The following FAN1 variants were observed in gnomAD, a reference collection of about 807,000 sequenced individuals.
FAN1 encodes the protein fanconi-associated nuclease 1.
In FAN1, 91 loss-of-function variants were observed where a neutral mutation model predicts 104.9. The ratio of observed to expected loss-of-function variants is 0.87; its 90% CI spans 0.73 to 1.03. The LOEUF (loss-of-function observed/expected upper bound fraction) is 1.03, where lower values mean the gene tolerates loss of function less well. Ranked by LOEUF, FAN1 falls within the 50% of genes least tolerant of loss-of-function variation. The pLI, the probability that FAN1 is intolerant of heterozygous loss-of-function variation, is 0.00. For missense variants in FAN1, 1,263 were observed against 1,239.9 expected, an observed-to-expected ratio of 1.02 and a Z score of -0.28; for synonymous variants, 478 against 457.6, an observed-to-expected ratio of 1.04 and a Z score of -0.57.
intron 5 of FAN1, among the ~76,000 whole-genome samples, chr15:30,915,660 A>G (rs751966253): frequency 3.3e-5 from 5 of 152,204 alleles, no homozygotes; most frequent in Admixed American, 6.5e-5. Context: ...TAATTTGATC[A>G]TTATACATTG....
intron 5 of FAN1, among the ~76,000 whole-genome samples, chr15:30,916,749 C>T (rs2062205936): frequency 6.6e-6 from 1 of 152,160 alleles, no homozygotes; most frequent in South Asian, 2.1e-4. Flanking sequence ...GGGGTTGTAG[C>T]AGTGAACAAG....
At position 30,943,041 on chromosome 15, in the gene FAN1, C is replaced by A. The variant is rs2063105324; in HGVS notation, c.*1479C>A. The A allele has an allele frequency of 1.3e-6, 2 of 1,542,182 alleles. No homozygotes were observed. Among genetic ancestry groups the A allele is most frequent in the East Asian group, 4.9e-5 (2 of 40,910 alleles). On this transcript the variant is annotated 3_prime_UTR_variant, in exon 15 of 15. Coordinates refer to ENST00000362065, the MANE Select transcript of FAN1 (RefSeq NM_014967.5). Reference sequence around the variant, plus strand: ...GGGGAATTTTAAGCCCTTCTCATCACCCAATTGGATGTTTTTGCTTATAGC... The same window carrying A: ...GGGGAATTTTAAGCCCTTCTCATCAACCAATTGGATGTTTTTGCTTATAGC...
chr15:30,936,212 A>G (rs987972147), intron 13 of FAN1, among the ~76,000 whole-genome samples: 1 of 152,188 alleles, frequency 6.6e-6, no homozygotes, highest in Non-Finnish European at 1.5e-5. Flanking sequence ...TTTTTATCTT[A>G]TGAATGCCAT....
chr15:30,924,159 T>C (rs928890875), intron 8 of FAN1, among the ~76,000 whole-genome samples: 1 of 152,268 alleles, frequency 6.6e-6, no homozygotes, highest in Admixed American at 6.5e-5. Context: ...TTCACCCGCA[T>C]CGTGGCACAT....
In FAN1 at chr15:30,942,329, G is replaced by A; in HGVS notation, c.*767G>A. Reference sequence around the variant, plus strand: ...GAGAGTACCTCCTATCCACTAATTTGCTTAAGGATAAGTTCTAAGACGGGC... The same window carrying A: ...GAGAGTACCTCCTATCCACTAATTTACTTAAGGATAAGTTCTAAGACGGGC... On this transcript the variant is annotated 3_prime_UTR_variant, in exon 15 of 15. Transcript: ENST00000362065. The A allele has an allele frequency of 1.9e-6, 1 of 535,564 alleles. No individual in the cohort carries two copies. The highest frequency in any genetic ancestry group is 3.3e-6 in the Non-Finnish European group (1 of 303,888). 33.2% of individuals were successfully genotyped at this position (535,564 alleles called of 1,614,324 possible).
At chr15:30,931,394 T>C (rs2062706674) in intron 13 of FAN1, among the ~76,000 whole-genome samples, 1 of 152,226 alleles carries the variant, frequency 6.6e-6, no homozygotes, top group African/African-American at 2.4e-5. Context: ...TTCATTTTCT[T>C]AATAGTGTCT....
At chr15:30,931,785 G>C (rs533457714) in intron 13 of FAN1, among the ~76,000 whole-genome samples, 4 of 152,166 alleles carry the variant, frequency 2.6e-5, no homozygotes, top group Non-Finnish European at 5.9e-5. Context: ...CTGTTTGTCT[G>C]TATTTCTTGA....
In FAN1 at chr15:30,925,651, G is replaced by T. The variant is rs190896352; in HGVS notation, c.2338-138G>T. ...CTGTCACATCCCCGCAGTTCTGCGT[G>T]TGTGAGCCCCACGCTGTGTGCTCTA... On this transcript the variant is annotated intron_variant, in intron 9 of 14. Coordinates refer to ENST00000362065, the MANE Select transcript of FAN1 (RefSeq NM_014967.5). 3 of 988,502 alleles carry T rather than the reference G, an allele frequency of 3.0e-6. No homozygotes were observed. In the East Asian group the frequency reaches 7.2e-5, roughly 24 times the overall value. The allele number at this position is 988,502 out of a possible 1,614,324, so 61.2% of individuals were successfully genotyped here.
chr15:30,929,272 C>G lies in FAN1; in HGVS notation c.2662C>G (p.Gln888Glu). ...SRRPALEARL[Q>E]LIHDAPEESL... ...ACGCCCAGCCCTTGAGGCCAGGCTG[C>G]AGCTGATTCATGATGCCCCCGAGGA... The change falls in exon 12 of 15, where the codon CAG becomes GAG. Residue 888 changes from glutamine (Q) to glutamate (E), a missense_variant. Gln to Glu is a conservative substitution (Grantham distance 29). This residue lies in a region of FAN1 where 581 missense variants were observed against 668.8 expected (regional missense o/e 0.87). Transcript: ENST00000362065. 1 of 1,613,590 alleles carries G rather than the reference C, an allele frequency of 6.2e-7. No individual in the cohort carries two copies. Among genetic ancestry groups the G allele is most frequent in the Non-Finnish European group, 8.5e-7 (1 of 1,179,812 alleles).
At chr15:30,928,762 C>G in intron 11 of FAN1, 106 bp downstream of exon 11, 1 of 1,568,750 alleles carries the variant, frequency 6.4e-7, no homozygotes, top group Non-Finnish European at 8.6e-7. Flanking sequence ...ATCTCTGTTA[C>G]GGTCCTTTGG....
At chr15:30,922,644 G>A (rs962350736) in intron 8 of FAN1, among the ~76,000 whole-genome samples, 1 of 152,144 alleles carries the variant, frequency 6.6e-6, no homozygotes, top group Non-Finnish European at 1.5e-5. Context: ...TAAGGGAAAG[G>A]GAGAGTCAGA....
chr15:30,907,785 T>G (rs1447824365), intron 2 of FAN1, among the ~76,000 whole-genome samples: 2 of 152,224 alleles, frequency 1.3e-5, no homozygotes, highest in African/African-American at 4.8e-5. Flanking sequence ...CTAGACATTT[T>G]TTTTGGAAAA....
intron 2 of FAN1, among the ~76,000 whole-genome samples, chr15:30,907,441 C>T (rs554682347): frequency 6.6e-6 from 1 of 152,058 alleles, no homozygotes; most frequent in East Asian, 1.9e-4. Flanking sequence ...TGGCATGAAC[C>T]CAGGAGGCAG....
At chr15:30,930,919 T>C (rs1201929285) in intron 13 of FAN1, among the ~76,000 whole-genome samples, 3 of 152,166 alleles carry the variant, frequency 2.0e-5, no homozygotes, top group Non-Finnish European at 4.4e-5. Context: ...GACATGATGT[T>C]CCATCACTCC....
In FAN1 at chr15:30,918,165, T is replaced by C. The variant is rs561482536; in HGVS notation, c.1813T>C (p.Tyr605His). The change falls in exon 6 of 15, where the codon TAT (tyrosine) becomes CAT (histidine). Residue 605 changes from tyrosine (Y) to histidine (H), a missense_variant and splice_region_variant. Tyr to His is a moderately conservative substitution (Grantham distance 83). Coordinates refer to ENST00000362065, the MANE Select transcript of FAN1 (RefSeq NM_014967.5). ...AACTTGGATGGCATTTTCCTCCAGA[T>C]ATGCAGCAGCCACGCACATGCTGAG... ...IFQDRDDLIR[Y>H]AAATHMLSDI... 1.9e-6 allele frequency: 3 copies of C among 1,613,940 alleles called. No individual in the cohort carries two copies. Among genetic ancestry groups the C allele is most frequent in the Middle Eastern group, 1.7e-4 (1 of 5,878 alleles).
chr15:30,916,222 T>C (rs4779797), intron 5 of FAN1, among the ~76,000 whole-genome samples: 29,422 of 152,164 alleles, frequency 0.19, 3,139 homozygotes, highest in African/African-American at 0.29. Context: ...CTTGTGAGAA[T>C]GTATACTCTG....
chr15:30,941,132 T>C, intron 14 of FAN1: 1 of 1,269,438 alleles, frequency 7.9e-7, no homozygotes, highest in Non-Finnish European at 1.0e-6. Context: ...TGTTGTCTGC[T>C]GCCTGGGGCT....
chr15:30,937,998 A>G (rs1395033930), intron 14 of FAN1, among the ~76,000 whole-genome samples: 2 of 151,782 alleles, frequency 1.3e-5, no homozygotes, highest in Non-Finnish European at 2.9e-5. Context: ...ATCCTGGCCA[A>G]CATGGTGAAA....
chr15:30,925,075 A>G, intron 8 of FAN1, 52 bp from the exon 9 acceptor site: 1 of 1,547,588 alleles, frequency 6.5e-7, no homozygotes, highest in South Asian at 1.2e-5. Flanking sequence ...AATGCATGGA[A>G]GCCGCCATGG....
Sources: gnomAD v4.1 joint callset for allele counts (sites outside exome capture counted in the v4.1 genomes callset) on GRCh38, gnomAD v4.1.1 for gene constraint, gnomAD v4.1.1 regional missense constraint, MANE v1.5 for transcripts, NCBI Gene and HGNC (gene_info 2026-07-23, HGNC 2026-07-21) for gene names.